Variants in SLC22A8 observed in about 807,000 individuals in gnomAD.
SLC22A8 encodes the protein solute carrier family 22 member 8, also known as organic anion transporter 3.
In SLC22A8, 40 loss-of-function variants were observed where a neutral mutation model predicts 48.4. The observed-to-expected ratio is 0.83, with a 90% CI of 0.64 to 1.08. The LOEUF (loss-of-function observed/expected upper bound fraction) is 1.08. Ranked by LOEUF, SLC22A8 falls within the 50% of genes least tolerant of loss-of-function variation. SLC22A8 has a pLI of 0.00. For missense variants in SLC22A8, 606 were observed against 699.0 expected, an observed-to-expected ratio of 0.87 and a Z score of 1.50; for synonymous variants, 268 against 286.3, an observed-to-expected ratio of 0.94 and a Z score of 0.65.
chr11:62,994,638 T>C lies in SLC22A8; in HGVS notation c.1120A>G (p.Ile374Val). Residue 374 changes from isoleucine (I) to valine (V), a missense_variant, in exon 8 of 11, where the codon ATC becomes GTC. Transcript: ENST00000336232. Reference protein sequence around the residue: ...GVDVPAKFITILSLSYLGRHT... With the variant: ...GVDVPAKFITVLSLSYLGRHT... Reference sequence around the variant, plus strand: ...CGGCCCAGGTAGCTTAAGGAGAGGATGGTGATGAACTTGGCTGGGACATCG... The same window carrying C: ...CGGCCCAGGTAGCTTAAGGAGAGGACGGTGATGAACTTGGCTGGGACATCG... The C allele has an allele frequency of 6.2e-7, 1 of 1,614,102 alleles. No homozygotes were observed. The highest frequency in any genetic ancestry group is 8.5e-7 in the Non-Finnish European group (1 of 1,179,986).
chr11:63,009,769 G>A (rs2086597175), intron 2 of SLC22A8, among the ~76,000 whole-genome samples: 2 of 152,140 alleles, frequency 1.3e-5, no homozygotes, highest in Non-Finnish European at 2.9e-5. Context: ...TGCTGGGCTT[G>A]TGCACTCCAC....
At position 62,994,728 on chromosome 11, in the gene SLC22A8, A is replaced by G. The variant is rs755672955; in HGVS notation, c.1030T>C (p.Leu344=). 33 of 1,614,112 alleles carry G rather than the reference A, an allele frequency of 2.0e-5. No homozygotes were observed. The highest frequency in any genetic ancestry group is 2.5e-5 in the Non-Finnish European group (30 of 1,180,044). Residue 344 remains leucine (L), a synonymous_variant, in exon 8 of 11, where the codon TTG becomes CTG. Coordinates refer to ENST00000336232, the MANE Select transcript of SLC22A8 (RefSeq NM_004254.4). ...WFATGFAYYS[L]AMGVEEFGVN... is the part of the protein sequence containing the mutation. ...CCAAATTCTTCCACACCCATAGCCA[A>G]ACTATAGTAGGCAAAACCGGTAGCA...
chr11:63,008,934 G>A (rs544237265), intron 2 of SLC22A8, among the ~76,000 whole-genome samples: 176 of 152,252 alleles, frequency 1.2e-3, no homozygotes, highest in African/African-American at 3.8e-3. Flanking sequence ...AGGTCCCTGC[G>A]TACAGTGGGT....
rs117448696 is a variant in SLC22A8, at chr11:62,996,089, T to C, written c.825A>G (p.Ile275Met). 8 of 1,613,888 alleles carry C rather than the reference T, an allele frequency of 5.0e-6. No homozygotes were observed. In the South Asian group the frequency reaches 6.6e-5, roughly 13 times the overall value. ...LSGKSSKALK[I>M]LRRVAVFNGK... Reference sequence around the variant, plus strand: ...CATTGAAGACAGCCACCCGCCGGAGTATCTTCAGGGCCTTCGAGGACTTTC... The same window carrying C: ...CATTGAAGACAGCCACCCGCCGGAGCATCTTCAGGGCCTTCGAGGACTTTC... The change falls in exon 6 of 11, where the codon ATA (isoleucine) becomes ATG (methionine). Residue 275 changes from isoleucine (I) to methionine (M), a missense_variant. Ile to Met is a conservative substitution (Grantham distance 10). Transcript: ENST00000336232.
At chr11:63,001,141 T>C in intron 2 of SLC22A8, 1 of 375,666 alleles carries the variant, frequency 2.7e-6, no homozygotes, top group Non-Finnish European at 5.1e-6. Flanking sequence ...GCCTCCTCCC[T>C]GCCCCTCACA....
intron 5 of SLC22A8, among the ~76,000 whole-genome samples, chr11:62,996,354 T>C (rs118041166): frequency 0.036 from 5,505 of 152,346 alleles, 154 homozygotes; most frequent in Non-Finnish European, 0.056. Flanking sequence ...TGTTCTCTTC[T>C]TCCCCTTCCA....
Position 62,994,741 on chromosome 11 carries a change from A to T in SLC22A8, c.1017T>A (p.Phe339Leu). Residue 339 changes from phenylalanine to leucine, a missense_variant, in exon 8 of 11, where the codon TTT becomes TTA. Physicochemically the swap from Phe to Leu is conservative, Grantham distance 22. Transcript: ENST00000336232. ...CACCCATAGCCAAACTATAGTAGGC[A>T]AAACCGGTAGCAAACCTGAGAGGCA... is the stretch of plus-strand genomic sequence containing the variant. ...CLSLAWFATG[F>L]AYYSLAMGVE... 1 of 1,614,200 alleles carries T rather than the reference A, an allele frequency of 6.2e-7. No homozygotes were observed. The highest frequency in any genetic ancestry group is 8.5e-7 in the Non-Finnish European group (1 of 1,179,994).
At chr11:62,993,976 C>T in intron 8 of SLC22A8, 98 bp from the exon 9 acceptor site, 1 of 758,588 alleles carries the variant, frequency 1.3e-6, no homozygotes. Flanking sequence ...CTTTGGCTTC[C>T]AAGAAGCTCA....
At chr11:63,005,379 C>T (rs2086542631) in intron 2 of SLC22A8, among the ~76,000 whole-genome samples, 2 of 152,202 alleles carry the variant, frequency 1.3e-5, no homozygotes, top group African/African-American at 4.8e-5. Flanking sequence ...AATCTGATCT[C>T]ACAGGGTAAG....
At chr11:63,009,902 G>T (rs753173712) in intron 2 of SLC22A8, among the ~76,000 whole-genome samples, 1 of 152,306 alleles carries the variant, frequency 6.6e-6, no homozygotes, top group East Asian at 1.9e-4. Flanking sequence ...GACTGTGGGG[G>T]AGGAGCTGGA....
chr11:62,995,145 C>G (rs2086400025), intron 7 of SLC22A8: 1 of 315,484 alleles, frequency 3.2e-6, no homozygotes, highest in African/African-American at 2.1e-5. Flanking sequence ...AGATGTTTCC[C>G]TTCCTCTCTC....
Position 62,995,777 on chromosome 11 carries a change from C to A in SLC22A8, c.928G>T (p.Ala310Ser). ...AACAGGTCACTTGCGGTGTACTTGG[C>A]CTTGGCCAAGGAGATCTCCTTCTGC... ...NLQKEISLAKAKYTASDLFRI... is the reference protein window; with the variant it reads ...NLQKEISLAKSKYTASDLFRI... The change falls in exon 7 of 11, where the codon GCC becomes TCC. Residue 310 changes from alanine to serine, a missense_variant. By Grantham distance (99) the Ala-to-Ser change is moderately conservative. Transcript: ENST00000336232. 1 of 1,614,098 alleles carries A rather than the reference C, an allele frequency of 6.2e-7. No homozygotes were observed. The highest frequency in any genetic ancestry group is 8.5e-7 in the Non-Finnish European group (1 of 1,179,980).
Position 62,994,560 on chromosome 11 carries a change from G to C in SLC22A8, c.1198C>G (p.Leu400Val), listed in dbSNP as rs754051505. ...LLLAGGAILA[L>V]TFVPLDLQTV... is the part of the protein sequence containing the mutation. ...CTCTCACCCAAGGGCACAAAGGTGA[G>C]AGCCAAGATGGCCCCTCCTGCCAGG... Residue 400 changes from leucine to valine, a missense_variant, in exon 8 of 11, where the codon CTC becomes GTC. Transcript: ENST00000336232. 8.1e-5 allele frequency: 130 copies of C among 1,610,126 alleles called. No homozygotes were observed. Among genetic ancestry groups the C allele is most frequent in the Non-Finnish European group, 1.1e-4 (127 of 1,178,122 alleles).
At chr11:63,013,381 T>C (rs1360796914) in intron 2 of SLC22A8, among the ~76,000 whole-genome samples, 1 of 152,140 alleles carries the variant, frequency 6.6e-6, no homozygotes, top group Non-Finnish European at 1.5e-5. Flanking sequence ...CTCCTGGGCC[T>C]CCAGGAACCC....
chr11:63,014,822 A>C lies in SLC22A8; in HGVS notation c.137T>G (p.Val46Gly), dbSNP rs773200801. 6.2e-7 allele frequency: 1 copy of C among 1,612,678 alleles called. No individual in the cohort carries two copies. The highest frequency in any genetic ancestry group is 8.5e-7 in the Non-Finnish European group (1 of 1,178,872). Residue 46 changes from valine to glycine, a missense_variant, in exon 2 of 11, where the codon GTC becomes GGC. Transcript: ENST00000336232. ...LLQIFTAATP[V>G]HHCRPPHNAS... Reference sequence around the variant, plus strand: ...ATTGTGGGGCGGGCGACAGTGGTGGACAGGGGTGGCGGCTGTGAAGATCTG... The same window carrying C: ...ATTGTGGGGCGGGCGACAGTGGTGGCCAGGGGTGGCGGCTGTGAAGATCTG...
At chr11:63,014,083 C>G (rs1206317656) in intron 2 of SLC22A8, among the ~76,000 whole-genome samples, 2 of 152,156 alleles carry the variant, frequency 1.3e-5, no homozygotes, top group African/African-American at 4.8e-5. Context: ...AGCCCTCCCA[C>G]CTTGGGGTCT....
intron 3 of SLC22A8, 145 bp downstream of exon 3, chr11:63,000,574 TA>T: frequency 1.7e-6 from 1 of 579,084 alleles, no homozygotes; most frequent in South Asian, 2.1e-5. Flanking sequence ...TCCAGAAAGG[TA>T]GTGAGGTTTG....
At chr11:62,995,885 G>A (rs1221373639) in intron 6 of SLC22A8, 66 bp from the exon 7 acceptor site, 1 of 1,498,114 alleles carries the variant, frequency 6.7e-7, no homozygotes, top group Admixed American at 1.7e-5. Flanking sequence ...AAGAGAGGGA[G>A]ATGCAGGCGT....
rs137895638 is a variant in SLC22A8 at position 63,003,905 on chromosome 11, C to T, written c.334-3082G>A. Reference sequence around the variant, plus strand: ...GCCTAAAATGCTACTCACCTTGGAACTGTTACATGAGAAAGAGAAACACTT... The same window carrying T: ...GCCTAAAATGCTACTCACCTTGGAATTGTTACATGAGAAAGAGAAACACTT... On this transcript the variant is annotated intron_variant, in intron 2 of 10. Coordinates refer to ENST00000336232, the MANE Select transcript of SLC22A8 (RefSeq NM_004254.4). Among the ~76,000 whole-genome samples, 1,228 of 152,240 alleles carry T rather than the reference C, an allele frequency of 8.1e-3. 19 individuals carry two copies. Among genetic ancestry groups the T allele is most frequent in the African/African-American group, 0.028 (1,170 of 41,534 alleles).
Sources: allele counts gnomAD v4.1 joint callset (sites outside exome capture counted in the v4.1 genomes callset), GRCh38; gene constraint gnomAD v4.1.1; transcripts MANE v1.5; gene names NCBI Gene and HGNC (gene_info 2026-07-23, HGNC 2026-07-21).